Variants in CMTR1 observed in about 807,000 individuals in gnomAD.
CMTR1 encodes the protein cap methyltransferase 1.
A neutral mutation model predicts 107.0 loss-of-function variants in CMTR1; 39 were observed. The observed-to-expected ratio is 0.36, with a 90% CI of 0.28 to 0.48. CMTR1 has a LOEUF of 0.48. Ranked by LOEUF, CMTR1 falls within the 20% of genes least tolerant of loss-of-function variation. CMTR1 has a pLI of 0.99. For missense variants in CMTR1, 672 were observed against 1,064.9 expected (o/e 0.63, Z 5.14); for synonymous variants, 366 against 379.5 (o/e 0.96, Z 0.41).
intron 10 of CMTR1, among the ~76,000 whole-genome samples, chr6:37,460,693 C>G (rs1008470357): frequency 6.6e-6 from 1 of 152,096 alleles, no homozygotes; most frequent in African/African-American, 2.4e-5. Context: ...GGGCAGCGTC[C>G]TTTTTTCTTT....
intron 2 of CMTR1, among the ~76,000 whole-genome samples, chr6:37,436,599 A>G (rs560602744): frequency 2.6e-5 from 4 of 152,306 alleles, no homozygotes; most frequent in Non-Finnish European, 5.9e-5. Flanking sequence ...GGCTGCTAGC[A>G]TTCCTTGGTG....
chr6:37,481,466 G>A lies in CMTR1; in HGVS notation c.*1321G>A, dbSNP rs1287087595. Reference sequence around the variant, plus strand: ...CACCCAATTCTGGGTATATCAGTGTGTCTTGCAGAATCTTGGATCATTAAA... The same window carrying A: ...CACCCAATTCTGGGTATATCAGTGTATCTTGCAGAATCTTGGATCATTAAA... On this transcript the variant is annotated 3_prime_UTR_variant, in exon 24 of 24. Coordinates refer to ENST00000373451, the MANE Select transcript of CMTR1 (RefSeq NM_015050.3). 8.8e-7 allele frequency: 1 copy of A among 1,131,480 alleles called. No homozygotes were observed. The highest frequency in any genetic ancestry group is 1.1e-6 in the Non-Finnish European group (1 of 913,944). 70.1% of individuals were successfully genotyped at this position (1,131,480 alleles called of 1,614,324 possible). A position where few individuals can be genotyped will look rare whatever the true frequency, so the allele number is the denominator to read the frequency against.
At chr6:37,439,458 A>T (rs1771617235) in intron 2 of CMTR1, among the ~76,000 whole-genome samples, 2 of 152,214 alleles carry the variant, frequency 1.3e-5, no homozygotes, top group Non-Finnish European at 2.9e-5. Context: ...CTCCTTCACC[A>T]GTATCACATT....
Position 37,481,188 on chromosome 6 carries a change from CAGAG to C in CMTR1, c.*1046_*1049del, listed in dbSNP as rs1396032893. ...ATTTCCTTTATCTTGGCCGACAACA[CAGAG>C]AGGAGGGGGAGCTGGGCAGTAGCTT... On this transcript the variant is annotated 3_prime_UTR_variant, in exon 24 of 24. Transcript: ENST00000373451. 4.2e-5 allele frequency: 55 copies of C among 1,297,772 alleles called. No individual in the cohort carries two copies. Among genetic ancestry groups the C allele is most frequent in the Non-Finnish European group, 5.3e-5 (52 of 985,914 alleles). 80.4% of individuals were successfully genotyped at this position (1,297,772 alleles called of 1,614,324 possible).
chr6:37,478,978 C>T (rs1231295152), intron 22 of CMTR1, among the ~76,000 whole-genome samples, 169 bp from the exon 23 acceptor site: 2 of 152,204 alleles, frequency 1.3e-5, no homozygotes, highest in African/African-American at 2.4e-5. Context: ...AGTCATTCTC[C>T]TGCAGCCCCT....
At position 37,453,306 on chromosome 6, in the gene CMTR1, T is replaced by C. The variant is rs779667669; in HGVS notation, c.771T>C (p.Ser257=). The change falls in exon 8 of 24, where the codon TCT becomes TCC. Residue 257 remains serine (S), a synonymous_variant. Coordinates refer to ENST00000373451, the MANE Select transcript of CMTR1 (RefSeq NM_015050.3). Reference sequence around the variant, plus strand: ...GCATGTTCACAAATCCGCGGGACTCTTATGGGGTGAGAACAAGATTCTGCT... The same window carrying C: ...GCATGTTCACAAATCCGCGGGACTCCTATGGGGTGAGAACAAGATTCTGCT... ...FDRMFTNPRD[S]YGKPLVKDRE... 6 of 1,614,046 alleles carry C rather than the reference T, an allele frequency of 3.7e-6. No homozygotes were observed. Among genetic ancestry groups the C allele is most frequent in the Non-Finnish European group, 5.1e-6 (6 of 1,179,916 alleles).
intron 13 of CMTR1, among the ~76,000 whole-genome samples, chr6:37,469,014 G>A (rs1374856834): frequency 3.9e-5 from 6 of 152,124 alleles, no homozygotes; most frequent in Admixed American, 2.6e-4. Context: ...GACTGGCCTG[G>A]CCAACATGGC....
At chr6:37,471,980 G>T in intron 15 of CMTR1, 76 bp downstream of exon 15, 2 of 1,364,526 alleles carry the variant, frequency 1.5e-6, no homozygotes. Flanking sequence ...TCCCAATCCT[G>T]TCACCTTAGG....
intron 8 of CMTR1, among the ~76,000 whole-genome samples, chr6:37,457,842 G>T (rs976547042): frequency 6.6e-6 from 1 of 152,182 alleles, no homozygotes; most frequent in African/African-American, 2.4e-5. Context: ...TGGACAGGAA[G>T]ACCTGAGTCT....
intron 21 of CMTR1, among the ~76,000 whole-genome samples, chr6:37,477,915 G>A (rs1042984292): frequency 6.6e-6 from 1 of 152,258 alleles, no homozygotes; most frequent in African/African-American, 2.4e-5. Context: ...GATGGGCCCT[G>A]CGAGGGGCAG....
intron 8 of CMTR1, 120 bp downstream of exon 8, chr6:37,453,432 T>A: frequency 1.1e-6 from 1 of 939,178 alleles, no homozygotes. Flanking sequence ...GGAGATACTT[T>A]GCTTTGAGCT....
At chr6:37,424,694 A>G in the CMTR1 span, among the ~76,000 whole-genome samples, 1 of 152,156 alleles carries the variant, frequency 6.6e-6, no homozygotes, top group Non-Finnish European at 1.5e-5. Flanking sequence ...TAATGTAGCC[A>G]TCTCTCACAT....
intron 20 of CMTR1, among the ~76,000 whole-genome samples, chr6:37,477,320 T>C (rs1293153714): frequency 6.6e-6 from 1 of 152,198 alleles, no homozygotes; most frequent in African/African-American, 2.4e-5. Context: ...TTCTTCCTCT[T>C]TCTCCCTCCT....
In CMTR1 at chr6:37,451,799, C is replaced by T; in HGVS notation, c.538-7C>T. On this transcript the variant is annotated splice_region_variant and splice_polypyrimidine_tract_variant and intron_variant, in intron 5 of 23. Transcript: ENST00000373451. ...GGTCATTACTTACTGCTTTTTTCTCCCTGTAGAGAAAGATGATTATTGAAG... is the reference window on the plus strand; with the variant it reads ...GGTCATTACTTACTGCTTTTTTCTCTCTGTAGAGAAAGATGATTATTGAAG... 6.2e-7 allele frequency: 1 copy of T among 1,609,852 alleles called. No homozygotes were observed.
intron 22 of CMTR1, 94 bp from the exon 23 acceptor site, chr6:37,479,053 G>C: frequency 1.2e-6 from 1 of 833,482 alleles, no homozygotes; most frequent in African/African-American, 1.7e-5. Context: ...TGGGAGGCAG[G>C]AATAGGACCA....
chr6:37,435,906 A>G (rs898847133), intron 2 of CMTR1, 144 bp downstream of exon 2: 4 of 776,746 alleles, frequency 5.1e-6, no homozygotes, highest in Non-Finnish European at 7.6e-6. Context: ...GATGTTGGCT[A>G]TAGACTCTTT....
intron 2 of CMTR1, among the ~76,000 whole-genome samples, chr6:37,439,174 G>A (rs556288954): frequency 1.1e-4 from 17 of 152,294 alleles, no homozygotes; most frequent in Admixed American, 9.8e-4. Context: ...AGAAGAAAAG[G>A]GATGTTGTTG....
chr6:37,428,074 A>C, the CMTR1 span, among the ~76,000 whole-genome samples: 4 of 145,664 alleles, frequency 2.7e-5, no homozygotes, highest in African/African-American at 1.0e-4. Context: ...CTCTCTAAAA[A>C]AGACGCTGTG....
At chr6:37,459,732 T>G in intron 10 of CMTR1, 48 bp downstream of exon 10, 2 of 1,349,818 alleles carry the variant, frequency 1.5e-6, no homozygotes, top group Non-Finnish European at 2.1e-6. Flanking sequence ...ATTTGTTATT[T>G]TAGAGGTTTG....
Sources: gnomAD v4.1 joint callset for allele counts (sites outside exome capture counted in the v4.1 genomes callset) on GRCh38, gnomAD v4.1.1 for gene constraint, MANE v1.5 for transcripts, NCBI Gene and HGNC (gene_info 2026-07-23, HGNC 2026-07-21) for gene names.